FOXN3: variants seen among roughly 807,000 people sequenced by gnomAD.
FOXN3 encodes forkhead box N3.
FOXN3 carries 7 observed loss-of-function variants against 38.4 expected under a neutral mutation model. That is an observed-to-expected ratio of 0.18 (90% CI 0.10 to 0.34). The LOEUF is 0.34. FOXN3 is among the 10% of genes least tolerant of loss of function. FOXN3 has a pLI of 1.00. For synonymous variants in FOXN3, 230 were observed against 242.2 expected (o/e 0.95, Z 0.47); for missense variants, 456 against 613.4 (o/e 0.74, Z 2.71).
intron 1 of FOXN3, among the ~76,000 whole-genome samples, chr14:89,589,241 A>C (rs947170707): frequency 6.6e-6 from 1 of 152,170 alleles, no homozygotes; most frequent in Non-Finnish European, 1.5e-5. Flanking sequence ...GTGTTTTCCT[A>C]ATATCTAGAA....
intron 1 of FOXN3, among the ~76,000 whole-genome samples, chr14:89,440,724 C>T (rs546356759): frequency 6.6e-6 from 1 of 152,302 alleles, no homozygotes; most frequent in African/African-American, 2.4e-5. Context: ...ACTCAGCCCA[C>T]CTGCACCCAG....
chr14:89,179,652 C>T (rs1396027019), intron 5 of FOXN3, among the ~76,000 whole-genome samples: 1 of 152,136 alleles, frequency 6.6e-6, no homozygotes, highest in African/African-American at 2.4e-5. Flanking sequence ...AAGGGACACA[C>T]AGAGAAACTG....
chr14:89,599,258 G>A (rs1356819734), intron 1 of FOXN3, among the ~76,000 whole-genome samples: 1 of 152,084 alleles, frequency 6.6e-6, no homozygotes, highest in Non-Finnish European at 1.5e-5. Flanking sequence ...TTCACCCATT[G>A]TAAGTACACA....
At chr14:89,272,038 A>G (rs917587294) in intron 4 of FOXN3, among the ~76,000 whole-genome samples, 1 of 152,232 alleles carries the variant, frequency 6.6e-6, no homozygotes, top group African/African-American at 2.4e-5. Flanking sequence ...GGCCAGGTGC[A>G]GTGGCTCATG....
At chr14:89,589,853 T>C (rs1381255140) in intron 1 of FOXN3, among the ~76,000 whole-genome samples, 1 of 152,182 alleles carries the variant, frequency 6.6e-6, no homozygotes, top group Non-Finnish European at 1.5e-5. Flanking sequence ...GAGCACCCTG[T>C]TTCTGCTTAG....
chr14:89,419,035 T>G (rs1891837251), upstream of FOXN3: 1 of 431,838 alleles, frequency 2.3e-6, no homozygotes, highest in African/African-American at 2.0e-5. Context: ...CCCCTCCTGC[T>G]TTCTCAGAGT....
chr14:89,243,495 A>T, intron 4 of FOXN3, among the ~76,000 whole-genome samples: 1 of 152,146 alleles, frequency 6.6e-6, no homozygotes, highest in Non-Finnish European at 1.5e-5. Context: ...TAACCTAGAT[A>T]CAGTTGTGAC....
chr14:89,260,412 C>T (rs1487206897), intron 4 of FOXN3, among the ~76,000 whole-genome samples: 2 of 152,230 alleles, frequency 1.3e-5, no homozygotes, highest in Non-Finnish European at 2.9e-5. Context: ...TGGGCTGGCA[C>T]CCCTGTGCTC....
intron 3 of FOXN3, among the ~76,000 whole-genome samples, chr14:89,310,236 ATCT>A (rs1887495882): frequency 6.6e-6 from 1 of 152,102 alleles, no homozygotes; most frequent in Admixed American, 6.5e-5. Context: ...GTGGGAGGAG[ATCT>A]TCTCTTTTTT....
chr14:89,496,737 C>G (rs527887793), intron 1 of FOXN3, among the ~76,000 whole-genome samples: 5 of 152,274 alleles, frequency 3.3e-5, no homozygotes, highest in Admixed American at 1.3e-4. Flanking sequence ...ACCATCACCA[C>G]CATCCATCTC....
intron 2 of FOXN3, among the ~76,000 whole-genome samples, chr14:89,359,572 A>G (rs534666498): frequency 6.6e-6 from 1 of 152,338 alleles, no homozygotes; most frequent in East Asian, 1.9e-4. Context: ...TCGAAATAGA[A>G]CAAAGCAAAG....
At chr14:89,615,116 A>ATT (rs374606775) in intron 1 of FOXN3, among the ~76,000 whole-genome samples, 18,228 of 106,646 alleles carry the variant, frequency 0.17, 2,496 homozygotes, top group Non-Finnish European at 0.2. Flanking sequence ...CCCAATTTCG[A>ATT]TTTTTTTTTT....
chr14:89,615,116 A>ATTTTTTTTTTTTTTTTTTTTTTTTTT (rs374606775), intron 1 of FOXN3, among the ~76,000 whole-genome samples: 1 of 106,784 alleles, frequency 9.4e-6, no homozygotes. Flanking sequence ...CCCAATTTCG[A>ATTTTTTTTTTTTTTTTTTTTTTTTTT]TTTTTTTTTT....
intron 1 of FOXN3, among the ~76,000 whole-genome samples, chr14:89,613,014 G>A (rs1896422893): frequency 6.6e-6 from 1 of 151,118 alleles, no homozygotes; most frequent in Non-Finnish European, 1.5e-5. Context: ...CTACTCAGGA[G>A]GCTGAGGCAG....
In FOXN3 at chr14:89,320,723, T is replaced by C. The variant is rs538863912; in HGVS notation, c.680+29949A>G. On this transcript the variant is annotated intron_variant, in intron 3 of 5. Coordinates refer to ENST00000557258, the MANE Select transcript of FOXN3 (RefSeq NM_005197.4). ...ACTTCAGATAAAGCAGGAAGGCTGA[T>C]AGCATGAGGAAGGAGAAGCTAACTG... Among the ~76,000 whole-genome samples the C allele has an allele frequency of 1.7e-3, 253 of 152,318 alleles. 1 individual carries two copies. Among genetic ancestry groups the C allele is most frequent in the African/African-American group, 5.8e-3 (241 of 41,568 alleles).
chr14:89,389,426 G>C (rs765280281), intron 2 of FOXN3, among the ~76,000 whole-genome samples: 1 of 152,078 alleles, frequency 6.6e-6, no homozygotes, highest in African/African-American at 2.4e-5. Context: ...CCTTCACAGC[G>C]GTAGATCCCA....
intron 1 of FOXN3, among the ~76,000 whole-genome samples, chr14:89,572,479 C>A (rs1439507727): frequency 6.6e-6 from 1 of 152,172 alleles, no homozygotes; most frequent in African/African-American, 2.4e-5. Flanking sequence ...CGAGAATCGC[C>A]CAGGCACTGG....
chr14:89,552,265 G>T (rs1403236565), intron 1 of FOXN3, among the ~76,000 whole-genome samples: 3 of 152,192 alleles, frequency 2.0e-5, no homozygotes, highest in African/African-American at 7.2e-5. Context: ...CTGAAGTGGG[G>T]CCAGAAAAAT....
intron 1 of FOXN3, among the ~76,000 whole-genome samples, chr14:89,430,559 T>C (rs1032116036): frequency 4.6e-5 from 7 of 152,238 alleles, no homozygotes; most frequent in African/African-American, 1.7e-4. Context: ...ACTAAAAGCA[T>C]TATGACTGGG....
Sources: gnomAD v4.1 joint callset for allele counts (sites outside exome capture counted in the v4.1 genomes callset) on GRCh38, gnomAD v4.1.1 for gene constraint, MANE v1.5 for transcripts, NCBI Gene and HGNC (gene_info 2026-07-23, HGNC 2026-07-21) for gene names.